Variants in FUT8 observed in about 807,000 individuals in gnomAD.
FUT8 encodes alpha-(1,6)-fucosyltransferase.
FUT8 carries 29 observed loss-of-function variants against 71.3 expected under a neutral mutation model. The observed-to-expected ratio is 0.41, with a 90% CI of 0.30 to 0.55. FUT8 has a LOEUF of 0.55. FUT8 is among the 20% of genes least tolerant of loss of function. FUT8 has a pLI of 0.34. For synonymous variants in FUT8, 254 were observed against 239.3 expected, an observed-to-expected ratio of 1.06 and a Z score of -0.57; for missense variants, 544 against 702.1, an observed-to-expected ratio of 0.77 and a Z score of 2.55.
chr14:65,705,566 C>T (rs572456315), intron 7 of FUT8, among the ~76,000 whole-genome samples: 22 of 152,276 alleles, frequency 1.4e-4, no homozygotes, highest in African/African-American at 5.1e-4. Flanking sequence ...AGAACCTAAT[C>T]GGAGTCATAC....
intron 5 of FUT8, among the ~76,000 whole-genome samples, chr14:65,618,265 G>A (rs114995140): frequency 0.026 from 3,868 of 151,420 alleles, 158 homozygotes; most frequent in African/African-American, 0.088. Flanking sequence ...TATATAACTC[G>A]CATATGTTTT....
At chr14:65,436,624 C>T (rs980009976) in intron 1 of FUT8, among the ~76,000 whole-genome samples, 2 of 66,170 alleles carry the variant, frequency 3.0e-5, no homozygotes, top group African/African-American at 5.1e-5. Flanking sequence ...GCGAGACTCC[C>T]TCTCAAAAAA....
In FUT8 at chr14:65,472,158, C is replaced by T. The variant is rs561480681; in HGVS notation, c.-228+16440C>T. On this transcript the variant is annotated intron_variant, in intron 2 of 10. Coordinates refer to ENST00000673929, the MANE Select transcript of FUT8 (RefSeq NM_001371533.1). The surrounding 1 kb of genome is among the most constrained non-coding windows in gnomAD (Gnocchi z 4.4). ...TGTACAAGAAGTATGGCACCAGGAT[C>T]GGCTTGTAGTGAGGGCCTTAGGCTA... Among the ~76,000 whole-genome samples the T allele has an allele frequency of 5.1e-4, 78 of 152,198 alleles. No individual in the cohort carries two copies. The highest frequency in any genetic ancestry group is 1.8e-3 in the African/African-American group (73 of 41,522).
At chr14:65,457,514 C>T (rs1356934387) in intron 2 of FUT8, among the ~76,000 whole-genome samples, 1 of 152,086 alleles carries the variant, frequency 6.6e-6, no homozygotes, top group African/African-American at 2.4e-5. Context: ...CTCTCAGACA[C>T]CGAGTTATAG....
chr14:65,663,266 C>T (rs932065480), intron 6 of FUT8, among the ~76,000 whole-genome samples: 1 of 152,014 alleles, frequency 6.6e-6, no homozygotes, highest in Non-Finnish European at 1.5e-5. Flanking sequence ...ATATTTGTTG[C>T]TATTCTGGAA....
intron 6 of FUT8, among the ~76,000 whole-genome samples, chr14:65,647,925 A>C (rs1240609214): frequency 6.6e-6 from 1 of 152,140 alleles, no homozygotes; most frequent in Non-Finnish European, 1.5e-5. Context: ...GCAAAATACA[A>C]AATGGAACAA....
At chr14:65,496,287 C>G (rs1430588284) in intron 2 of FUT8, among the ~76,000 whole-genome samples, 3 of 152,150 alleles carry the variant, frequency 2.0e-5, no homozygotes, top group Admixed American at 6.5e-5. Context: ...TTGTAATTCT[C>G]AAGTGCTGTG....
intron 1 of FUT8, among the ~76,000 whole-genome samples, chr14:65,444,494 G>T (rs1218334145): frequency 6.6e-6 from 1 of 152,144 alleles, no homozygotes; most frequent in East Asian, 1.9e-4. Context: ...GTAATGCTCT[G>T]TTCATAATTG....
chr14:65,610,060 G>C (rs1387628905), intron 3 of FUT8, among the ~76,000 whole-genome samples: 1 of 151,634 alleles, frequency 6.6e-6, no homozygotes, highest in Non-Finnish European at 1.5e-5. Context: ...ATATAGAATT[G>C]AATTTTGTAT....
chr14:65,572,140 C>G (rs1258701755), intron 3 of FUT8, among the ~76,000 whole-genome samples: 1 of 152,080 alleles, frequency 6.6e-6, no homozygotes, highest in Non-Finnish European at 1.5e-5. Flanking sequence ...TTCTCAAGGT[C>G]TCATGTGGCA....
intron 1 of FUT8, among the ~76,000 whole-genome samples, chr14:65,415,313 A>G (rs1037818321): frequency 6.6e-6 from 1 of 152,200 alleles, no homozygotes; most frequent in Admixed American, 6.5e-5. Context: ...GTGGGCATAT[A>G]TATGTACATA....
At chr14:65,728,662 TA>T (rs1247087304) in intron 9 of FUT8, among the ~76,000 whole-genome samples, 2 of 144,856 alleles carry the variant, frequency 1.4e-5, no homozygotes, top group South Asian at 2.2e-4. Flanking sequence ...ACTATACTTT[TA>T]CTGTACCTTT....
At chr14:65,375,408 C>A in the FUT8 span, among the ~76,000 whole-genome samples, 1 of 152,028 alleles carries the variant, frequency 6.6e-6, no homozygotes, top group African/African-American at 2.4e-5. Context: ...TTGTTTGAGC[C>A]AGGAGTTTGA....
intron 6 of FUT8, among the ~76,000 whole-genome samples, chr14:65,662,582 C>T (rs1269235280): frequency 6.6e-6 from 1 of 152,100 alleles, no homozygotes; most frequent in Non-Finnish European, 1.5e-5. Flanking sequence ...CACTAATACT[C>T]AAAAAGAACA....
intron 10 of FUT8, among the ~76,000 whole-genome samples, chr14:65,740,681 T>C (rs1896452026): frequency 3.3e-5 from 5 of 150,652 alleles, no homozygotes. Flanking sequence ...AATTGGGAGG[T>C]GCCACATATT....
chr14:65,676,560 T>C (rs1371501579), intron 7 of FUT8, among the ~76,000 whole-genome samples: 3 of 152,208 alleles, frequency 2.0e-5, no homozygotes, highest in Admixed American at 1.3e-4. Context: ...TAATCTTTTT[T>C]CTAATAGGAG....
intron 6 of FUT8, chr14:65,636,593 G>T (rs1164708690): frequency 6.6e-6 from 1 of 152,062 alleles, no homozygotes. Flanking sequence ...TGTTGATTTT[G>T]TTTTTGACCC....
In FUT8 at chr14:65,548,282, A is replaced by G. The variant is rs1192548084; in HGVS notation, c.-227-13055A>G. On this transcript the variant is annotated intron_variant, in intron 2 of 10. Coordinates refer to ENST00000673929, the MANE Select transcript of FUT8 (RefSeq NM_001371533.1). ...TTGGGAACCACTGAACTATTTTTCA[A>G]CCTATAGTTTTTCCCTTTCTGTAAT... Among the ~76,000 whole-genome samples the G allele has an allele frequency of 2.6e-5, 4 of 151,974 alleles. No individual in the cohort carries two copies. In the South Asian group the frequency reaches 6.2e-4, roughly 24 times the overall value.
Position 65,711,970 on chromosome 14 carries a change from T to G in FUT8, c.836-9805T>G, listed in dbSNP as rs563479839. Among the ~76,000 whole-genome samples, 10 of 150,636 alleles carry G rather than the reference T, an allele frequency of 6.6e-5. No individual in the cohort carries two copies. In the East Asian group the frequency reaches 2.3e-3, roughly 35 times the overall value. ...ATACAGGAAAACAATTTGAAGACTG[T>G]GTTTTGTTCTGGTGAATACATTTTA... On this transcript the variant is annotated intron_variant, in intron 7 of 10. Transcript: ENST00000673929.
Sources: allele counts gnomAD v4.1 joint callset (sites outside exome capture counted in the v4.1 genomes callset), GRCh38; gene constraint gnomAD v4.1.1; non-coding constraint Gnocchi (gnomAD v3.1); transcripts MANE v1.5; gene names NCBI Gene and HGNC (gene_info 2026-07-23, HGNC 2026-07-21).